Variants in SCFD2 observed in about 807,000 individuals in gnomAD.
SCFD2 encodes the protein sec1 family domain-containing protein 2.
In SCFD2, 54 loss-of-function variants were observed where a neutral mutation model predicts 58.9. That is an observed-to-expected ratio of 0.92 (90% CI 0.74 to 1.15). The LOEUF (loss-of-function observed/expected upper bound fraction) is 1.15. Ranked by LOEUF, SCFD2 falls within the 50% of genes most tolerant of loss-of-function variation. The pLI, the probability that SCFD2 is intolerant of heterozygous loss-of-function variation, is 0.00. For missense variants in SCFD2, 805 were observed against 836.6 expected (o/e 0.96, Z 0.47); for synonymous variants, 321 against 335.9 (o/e 0.96, Z 0.49).
At chr4:53,106,486 A>G (rs1349258172) in intron 5 of SCFD2, among the ~76,000 whole-genome samples, 1 of 152,210 alleles carries the variant, frequency 6.6e-6, no homozygotes, top group African/African-American at 2.4e-5. Context: ...AAAAGGTTAG[A>G]GGAATTGATA....
At chr4:53,215,116 G>C (rs915505878) in intron 4 of SCFD2, among the ~76,000 whole-genome samples, 3 of 152,058 alleles carry the variant, frequency 2.0e-5, no homozygotes, top group Non-Finnish European at 2.9e-5. Flanking sequence ...TTTTGGCTTA[G>C]GATTGACTTG....
intron 4 of SCFD2, among the ~76,000 whole-genome samples, chr4:53,247,289 G>C (rs538297497): frequency 7.2e-5 from 11 of 152,260 alleles, no homozygotes; most frequent in East Asian, 5.8e-4. Context: ...TGGAACACTT[G>C]TACACTGTAG....
chr4:53,176,623 T>C (rs1727338405), intron 4 of SCFD2, among the ~76,000 whole-genome samples: 1 of 152,210 alleles, frequency 6.6e-6, no homozygotes, highest in East Asian at 1.9e-4. Context: ...CTGACTGCAC[T>C]GTGAGAAAAC....
At chr4:52,895,570 A>C (rs1466702624) in intron 7 of SCFD2, among the ~76,000 whole-genome samples, 5 of 152,050 alleles carry the variant, frequency 3.3e-5, no homozygotes, top group African/African-American at 1.2e-4. Flanking sequence ...CCAGTCTATC[A>C]TTGTTGGACA....
intron 2 of SCFD2, 118 bp downstream of exon 2, chr4:53,352,478 CTG>C: frequency 2.8e-6 from 2 of 717,344 alleles, no homozygotes; most frequent in Non-Finnish European, 4.4e-6. Flanking sequence ...ATGCTACCCA[CTG>C]TGAAATTTTC....
At position 52,911,050 on chromosome 4, in the gene SCFD2, TA is replaced by T. The variant is rs373772259; in HGVS notation, c.1708-3460del. ...CGGACTAATGCAACCCCTTAACCCATAAAAAAAAAAAATAGATTGTCATTCT... is the reference window on the plus strand; with the variant it reads ...CGGACTAATGCAACCCCTTAACCCATAAAAAAAAAAATAGATTGTCATTCT... On this transcript the variant is annotated intron_variant, in intron 6 of 8. Transcript: ENST00000401642. Among the ~76,000 whole-genome samples, 979 of 140,082 alleles carry T rather than the reference TA, an allele frequency of 7.0e-3. 10 individuals are homozygous for T. Among genetic ancestry groups the T allele is most frequent in the African/African-American group, 0.019 (721 of 38,288 alleles). 91.9% of individuals were successfully genotyped at this position (140,082 alleles called of 152,430 possible).
chr4:53,208,700 A>T (rs1029736664), intron 4 of SCFD2, among the ~76,000 whole-genome samples: 1 of 152,362 alleles, frequency 6.6e-6, no homozygotes. Flanking sequence ...CAATGGAAGC[A>T]TATACATTTT....
chr4:53,300,747 G>A (rs1215230059), intron 3 of SCFD2, among the ~76,000 whole-genome samples: 1 of 152,116 alleles, frequency 6.6e-6, no homozygotes, highest in Non-Finnish European at 1.5e-5. Flanking sequence ...ATAACAAACT[G>A]TCTCTCAGAC....
chr4:53,137,129 C>A (rs1725965947), intron 5 of SCFD2, among the ~76,000 whole-genome samples: 1 of 152,074 alleles, frequency 6.6e-6, no homozygotes, highest in Non-Finnish European at 1.5e-5. Context: ...AAATATACAC[C>A]CAGTTACAAT....
intron 4 of SCFD2, among the ~76,000 whole-genome samples, chr4:53,266,923 A>G (rs531232129): frequency 6.6e-6 from 1 of 152,320 alleles, no homozygotes; most frequent in East Asian, 1.9e-4. Flanking sequence ...TAAGCATATA[A>G]TATTATCTTT....
chr4:53,133,184 C>T (rs574861450), intron 5 of SCFD2, among the ~76,000 whole-genome samples: 9 of 151,838 alleles, frequency 5.9e-5, no homozygotes, highest in Non-Finnish European at 1.0e-4. Context: ...AGAAATTAGC[C>T]GGGCGTGGTG....
chr4:53,352,687 A>C lies in SCFD2; in HGVS notation c.918T>G (p.Asp306Glu), dbSNP rs757490896. 6.2e-7 allele frequency: 1 copy of C among 1,614,034 alleles called. No individual in the cohort carries two copies. Residue 306 changes from aspartate (D) to glutamate (E), a missense_variant, in exon 2 of 9, where the codon GAT becomes GAG. Transcript: ENST00000401642. ...ALPQLPGHTN[D>E]VMVNMIALTA... ...TGAGCGCTATCATGTTAACCATCAC[A>C]TCATTTGTGTGGCCTGGGAGCTGGG...
At chr4:53,057,618 A>C (rs1245375465) in intron 5 of SCFD2, among the ~76,000 whole-genome samples, 1 of 152,144 alleles carries the variant, frequency 6.6e-6, no homozygotes, top group Non-Finnish European at 1.5e-5. Flanking sequence ...ACCATGGCAC[A>C]CATATACCTA....
At chr4:53,062,875 A>T (rs370328197) in intron 5 of SCFD2, among the ~76,000 whole-genome samples, 3 of 152,146 alleles carry the variant, frequency 2.0e-5, no homozygotes, top group Non-Finnish European at 1.5e-5. Flanking sequence ...CCATCCAGGG[A>T]TTTAGTCTCT....
At chr4:52,973,582 C>A (rs1237618702) in intron 5 of SCFD2, among the ~76,000 whole-genome samples, 1 of 152,154 alleles carries the variant, frequency 6.6e-6, no homozygotes, top group Non-Finnish European at 1.5e-5. Flanking sequence ...TTGAATTCTA[C>A]CAGAGGTACA....
chr4:53,090,490 C>A (rs1408445329), intron 5 of SCFD2, among the ~76,000 whole-genome samples: 2 of 152,108 alleles, frequency 1.3e-5, no homozygotes, highest in Non-Finnish European at 2.9e-5. Flanking sequence ...AATGTCAGTG[C>A]TGGCTAAATG....
At chr4:53,310,945 A>G (rs1301064002) in intron 3 of SCFD2, among the ~76,000 whole-genome samples, 1 of 152,250 alleles carries the variant, frequency 6.6e-6, no homozygotes, top group Non-Finnish European at 1.5e-5. Flanking sequence ...AAAAATTTAT[A>G]CTTCAGTAGA....
At chr4:53,147,729 A>T in intron 4 of SCFD2, among the ~76,000 whole-genome samples, 1 of 152,224 alleles carries the variant, frequency 6.6e-6, no homozygotes, top group Non-Finnish European at 1.5e-5. Context: ...TAGAAGAAGA[A>T]CTGTCTTGAG....
chr4:52,883,733 G>T (rs1287772093), intron 8 of SCFD2, among the ~76,000 whole-genome samples: 2 of 152,152 alleles, frequency 1.3e-5, no homozygotes, highest in African/African-American at 2.4e-5. Context: ...AAAGAAAAGA[G>T]GTCTTGCTCA....
Sources: gnomAD v4.1 joint callset for allele counts (sites outside exome capture counted in the v4.1 genomes callset) on GRCh38, gnomAD v4.1.1 for gene constraint, MANE v1.5 for transcripts, NCBI Gene and HGNC (gene_info 2026-07-23, HGNC 2026-07-21) for gene names.